MYPN: variants seen among roughly 807,000 people sequenced by gnomAD.
MYPN encodes sarcomeric protein myopalladin, 145 kDa (MYOP).
MYPN carries 63 observed loss-of-function variants against 129.4 expected under a neutral mutation model. That is an observed-to-expected ratio of 0.49 (90% CI 0.40 to 0.60). The LOEUF (loss-of-function observed/expected upper bound fraction) is 0.60. Among genes scored for constraint, MYPN ranks in the 20% least tolerant of loss-of-function variants. The pLI, the probability that MYPN is intolerant of heterozygous loss-of-function variation, is 0.00. For missense variants in MYPN, 1,596 were observed against 1,635.4 expected, an observed-to-expected ratio of 0.98 and a Z score of 0.42; for synonymous variants, 629 against 600.9, an observed-to-expected ratio of 1.05 and a Z score of -0.68.
At chr10:68,157,670 C>CAAAAAAAAA (rs71009010) in intron 6 of MYPN, among the ~76,000 whole-genome samples, 1 of 84,888 alleles carries the variant, frequency 1.2e-5, no homozygotes, top group Non-Finnish European at 2.2e-5. Context: ...CCTGTCTCTA[C>CAAAAAAAAA]AAAAAAAAAA....
chr10:68,161,863 GAA>G (rs2042981880), intron 8 of MYPN, 111 bp downstream of exon 8: 6 of 926,002 alleles, frequency 6.5e-6, no homozygotes, highest in African/African-American at 1.7e-5. Context: ...AAAGTTTTAG[GAA>G]AAAAAGATCC....
chr10:68,155,368 T>G (rs978110836), intron 6 of MYPN, among the ~76,000 whole-genome samples: 2 of 152,342 alleles, frequency 1.3e-5, no homozygotes, highest in East Asian at 3.9e-4. Flanking sequence ...CAAGTCACCC[T>G]ACAAAGAATG....
At position 68,142,624 on chromosome 10, in the gene MYPN, G is replaced by A. The variant is rs147665790; in HGVS notation, c.903-316G>A. On this transcript the variant is annotated intron_variant, in intron 2 of 19. Transcript: ENST00000358913. ...TAATGCATATGATAGGAATCAGAAA[G>A]TCATTTTAGGAGAAGCCAAGTTCCA... Among the ~76,000 whole-genome samples, 63 of 152,298 alleles carry A rather than the reference G, an allele frequency of 4.1e-4. No homozygotes were observed. The East Asian group carries it at 9.3e-3, about 22-fold the overall frequency.
intron 19 of MYPN, among the ~76,000 whole-genome samples, chr10:68,209,671 C>CTTTTTTT (rs35392300): frequency 2.1e-4 from 28 of 131,150 alleles, no homozygotes; most frequent in Non-Finnish European, 3.0e-4. Context: ...GAATTCTTTT[C>CTTTTTTT]TTTTTTTTTT....
intron 1 of MYPN, among the ~76,000 whole-genome samples, chr10:68,111,781 C>A (rs1476415708): frequency 6.6e-6 from 1 of 152,134 alleles, no homozygotes; most frequent in Non-Finnish European, 1.5e-5. Flanking sequence ...ACGGAGACCT[C>A]CACTCGGAGT....
At chr10:68,194,321 G>A in intron 13 of MYPN, 42 bp from the exon 14 acceptor site, 1 of 1,606,094 alleles carries the variant, frequency 6.2e-7, no homozygotes, top group East Asian at 2.3e-5. Flanking sequence ...AACCTCTAAA[G>A]ATAAACAAAA....
chr10:68,174,257 G>C lies in MYPN; in HGVS notation c.2165G>C (p.Arg722Pro). 6.2e-7 allele frequency: 1 copy of C among 1,614,048 alleles called. No individual in the cohort carries two copies. Residue 722 changes from arginine (R) to proline (P), a missense_variant, in exon 11 of 20, where the codon CGG becomes CCG. Physicochemically the swap from Arg to Pro is moderately radical, Grantham distance 103 (BLOSUM62 -2). Coordinates refer to ENST00000358913, the MANE Select transcript of MYPN (RefSeq NM_032578.4). ...TCATCACAGACGTTCAGCTTGGCCCGGCCGAAGTATTTCTTCCCCTCCACG... is the reference window on the plus strand; with the variant it reads ...TCATCACAGACGTTCAGCTTGGCCCCGCCGAAGTATTTCTTCCCCTCCACG... Reference protein sequence around the residue: ...APSSQTFSLARPKYFFPSTNT... With the variant: ...APSSQTFSLAPPKYFFPSTNT...
At chr10:68,166,907 T>C (rs2043064698) in intron 10 of MYPN, among the ~76,000 whole-genome samples, 1 of 151,872 alleles carries the variant, frequency 6.6e-6, no homozygotes, top group Non-Finnish European at 1.5e-5. Flanking sequence ...GGCATGGTGG[T>C]GCACACCTAT....
At chr10:68,153,896 T>C (rs1486515051) in intron 6 of MYPN, among the ~76,000 whole-genome samples, 1 of 152,166 alleles carries the variant, frequency 6.6e-6, no homozygotes, top group Non-Finnish European at 1.5e-5. Flanking sequence ...ACAAAGCATT[T>C]CTTTGCCAAT....
intron 6 of MYPN, among the ~76,000 whole-genome samples, chr10:68,157,020 T>C (rs1226487316): frequency 1.3e-5 from 2 of 152,216 alleles, no homozygotes; most frequent in Non-Finnish European, 2.9e-5. Flanking sequence ...AATGTATTGT[T>C]TTCAGCTCAC....
chr10:68,102,420 A>T (rs969793712), upstream of MYPN, among the ~76,000 whole-genome samples: 20 of 151,888 alleles, frequency 1.3e-4, no homozygotes, highest in African/African-American at 4.3e-4. Context: ...GAGCCACTTC[A>T]CCTGCTGTGC....
At chr10:68,143,146 T>G in intron 3 of MYPN, 31 bp downstream of exon 3, 19 of 1,594,644 alleles carry the variant, frequency 1.2e-5, no homozygotes, top group Non-Finnish European at 1.5e-5. Context: ...AGTATGACAC[T>G]TAATAGTAAG....
At chr10:68,123,264 A>G (rs560343393) in intron 2 of MYPN, among the ~76,000 whole-genome samples, 17 of 152,256 alleles carry the variant, frequency 1.1e-4, no homozygotes, top group East Asian at 7.8e-4. Flanking sequence ...TGTAATGCCA[A>G]CTATTCAGGT....
In MYPN at chr10:68,197,319, A is replaced by G. The variant is rs113800308; in HGVS notation, c.3159-33A>G. The G allele has an allele frequency of 2.2e-5, 35 of 1,609,230 alleles. 1 individual carries two copies. The highest frequency in any genetic ancestry group is 1.7e-4 in the African/African-American group (13 of 74,794). On this transcript the variant is annotated intron_variant, in intron 15 of 19. Transcript: ENST00000358913. ...ATCATAAGTTTGTAAATTTATTTCT[A>G]TGTTTAATATCTGAACATGCTTGTT... is the stretch of plus-strand genomic sequence containing the variant.
At chr10:68,187,142 T>C (rs529581749) in intron 12 of MYPN, among the ~76,000 whole-genome samples, 2 of 151,884 alleles carry the variant, frequency 1.3e-5, no homozygotes, top group East Asian at 3.9e-4. Context: ...GAGACTGAGG[T>C]GGGTGGATCA....
rs1197594190 is a variant in MYPN at position 68,121,449 on chromosome 10, A to G, written c.11A>G (p.Asp4Gly). The G allele has an allele frequency of 6.2e-7, 1 of 1,610,302 alleles. No individual in the cohort carries two copies. The highest frequency in any genetic ancestry group is 1.3e-5 in the African/African-American group (1 of 74,640). The change falls in exon 2 of 20, where the codon GAC (aspartate) becomes GGC (glycine). Residue 4 changes from aspartate (D) to glycine (G), a missense_variant. By Grantham distance (94) the Asp-to-Gly change is moderately conservative. Transcript: ENST00000358913. ...TTATTTTGTGACAGCATGCAAGACGACAGCATAGAAGCTTCTACTTCCATA... is the reference window on the plus strand; with the variant it reads ...TTATTTTGTGACAGCATGCAAGACGGCAGCATAGAAGCTTCTACTTCCATA... MQDDSIEASTSISQ... is the reference protein window; with the variant it reads MQDGSIEASTSISQ...
chr10:68,208,285 A>G (rs2043849890), intron 19 of MYPN, among the ~76,000 whole-genome samples: 1 of 152,214 alleles, frequency 6.6e-6, no homozygotes, highest in South Asian at 2.1e-4. Flanking sequence ...TCTGCTATTT[A>G]TGGTTGCATA....
At chr10:68,153,578 T>C (rs1564666397) in intron 6 of MYPN, among the ~76,000 whole-genome samples, 1 of 152,102 alleles carries the variant, frequency 6.6e-6, no homozygotes. Context: ...TTTGCCTCCA[T>C]AAATGGGTTA....
chr10:68,116,575 A>C (rs2042160159), intron 1 of MYPN, among the ~76,000 whole-genome samples: 1 of 152,210 alleles, frequency 6.6e-6, no homozygotes, highest in African/African-American at 2.4e-5. Context: ...ATCTCTACTG[A>C]AAATACAAAA....
Sources: gnomAD v4.1 joint callset for allele counts (sites outside exome capture counted in the v4.1 genomes callset) on GRCh38, gnomAD v4.1.1 for gene constraint, MANE v1.5 for transcripts, NCBI Gene and HGNC (gene_info 2026-07-23, HGNC 2026-07-21) for gene names.